Variants in EXT2 observed in about 807,000 individuals in gnomAD.
The protein encoded by EXT2 is exostosin-2.
Under a neutral mutation model 81.6 loss-of-function variants are expected in EXT2, and 53 were observed. That is an observed-to-expected ratio of 0.65 (90% CI 0.52 to 0.82). The LOEUF (loss-of-function observed/expected upper bound fraction) is 0.82. Among genes scored for constraint, EXT2 ranks in the 40% least tolerant of loss-of-function variants. The pLI is 0.00. For missense variants in EXT2, 774 were observed against 910.2 expected, an observed-to-expected ratio of 0.85 and a Z score of 1.93; for synonymous variants, 320 against 340.0, an observed-to-expected ratio of 0.94 and a Z score of 0.65.
At chr11:44,109,170 C>T in intron 2 of EXT2, 24 bp from the exon 3 acceptor site, 1 of 1,611,706 alleles carries the variant, frequency 6.2e-7, no homozygotes. Context: ...CATTAATTCT[C>T]CTACATTTTA....
chr11:44,219,964 G>A (rs894688500), intron 10 of EXT2, among the ~76,000 whole-genome samples: 2 of 152,170 alleles, frequency 1.3e-5, no homozygotes, highest in African/African-American at 4.8e-5. Context: ...TCAGATCGTT[G>A]AGCCTAAGTC....
Position 44,246,727 on chromosome 11 carries a change from TC to T in EXT2, c.*2441del, listed in dbSNP as rs747551007. Among the ~76,000 whole-genome samples the T allele has an allele frequency of 2.0e-5, 3 of 152,198 alleles. No individual in the cohort carries two copies. Among genetic ancestry groups the T allele is most frequent in the Non-Finnish European group, 4.4e-5 (3 of 68,024 alleles). ...TAGCAGGTGATGGCGATTCATGGAT[TC>T]AGAGTGGGCTAGGGACTCCACTTTA... On this transcript the variant is annotated 3_prime_UTR_variant, in exon 14 of 14. Coordinates refer to ENST00000533608, the MANE Select transcript of EXT2 (RefSeq NM_207122.2).
intron 1 of EXT2, among the ~76,000 whole-genome samples, chr11:44,099,844 C>T (rs1953956829): frequency 6.6e-6 from 1 of 152,074 alleles, no homozygotes; most frequent in African/African-American, 2.4e-5. Context: ...GGGCTTTTCC[C>T]CTTTCTTTTC....
At chr11:44,209,333 T>C (rs972679270) in intron 10 of EXT2, among the ~76,000 whole-genome samples, 9 of 152,184 alleles carry the variant, frequency 5.9e-5, no homozygotes, top group Non-Finnish European at 1.0e-4. Flanking sequence ...GACAGTAGAT[T>C]TTACACTTTA....
In EXT2 at chr11:44,210,127, C is replaced by T. The variant is rs535142631; in HGVS notation, c.1662+3168C>T. Reference sequence around the variant, plus strand: ...AAACATACATCTACCATATGACCAGCCATTCTTCCCATGGGGATTTACCCT... The same window carrying T: ...AAACATACATCTACCATATGACCAGTCATTCTTCCCATGGGGATTTACCCT... On this transcript the variant is annotated intron_variant, in intron 10 of 13. Coordinates refer to ENST00000533608, the MANE Select transcript of EXT2 (RefSeq NM_207122.2). Among the ~76,000 whole-genome samples, 19 of 152,296 alleles carry T rather than the reference C, an allele frequency of 1.2e-4. No homozygotes were observed. In the South Asian group the frequency reaches 3.9e-3, roughly 32 times the overall value.
At chr11:44,215,995 A>G (rs993683907) in intron 10 of EXT2, among the ~76,000 whole-genome samples, 1 of 151,282 alleles carries the variant, frequency 6.6e-6, no homozygotes, top group African/African-American at 2.4e-5. Context: ...TCCTGCCTCA[A>G]CCTCCCGAGT....
At chr11:44,106,894 G>A (rs763957435) in intron 1 of EXT2, among the ~76,000 whole-genome samples, 1 of 152,234 alleles carries the variant, frequency 6.6e-6, no homozygotes, top group Non-Finnish European at 1.5e-5. Flanking sequence ...CTCCCAAGGT[G>A]CTGGGATTAT....
At chr11:44,216,933 A>C (rs1352832298) in intron 10 of EXT2, among the ~76,000 whole-genome samples, 2 of 150,334 alleles carry the variant, frequency 1.3e-5, no homozygotes, top group Non-Finnish European at 3.0e-5. Flanking sequence ...ATCCTTTGTC[A>C]AATCATTGCA....
chr11:44,161,058 ATAAAAT>A (rs1315019340), intron 7 of EXT2, among the ~76,000 whole-genome samples: 1 of 152,232 alleles, frequency 6.6e-6, no homozygotes, highest in African/African-American at 2.4e-5. Flanking sequence ...ATACATCAAA[ATAAAAT>A]TAAAGTGTGG....
chr11:44,175,400 T>C (rs1163492962), intron 8 of EXT2, among the ~76,000 whole-genome samples: 4 of 151,948 alleles, frequency 2.6e-5, no homozygotes, highest in Non-Finnish European at 5.9e-5. Flanking sequence ...TCTTTTTTTT[T>C]TTTCCTGTTC....
At chr11:44,146,966 A>C (rs1014039436) in intron 7 of EXT2, among the ~76,000 whole-genome samples, 1 of 152,240 alleles carries the variant, frequency 6.6e-6, no homozygotes, top group Non-Finnish European at 1.5e-5. Flanking sequence ...ACATCACTCA[A>C]GATGGTTGAT....
intron 8 of EXT2, among the ~76,000 whole-genome samples, chr11:44,193,224 C>T (rs1428938351): frequency 6.6e-6 from 1 of 152,178 alleles, no homozygotes; most frequent in East Asian, 1.9e-4. Context: ...ATAAGGACTT[C>T]ATTTGGGATT....
intron 8 of EXT2, among the ~76,000 whole-genome samples, chr11:44,184,533 C>T (rs1254517724): frequency 6.6e-6 from 1 of 152,014 alleles, no homozygotes; most frequent in Non-Finnish European, 1.5e-5. Context: ...GGGTGGATCA[C>T]GAGGTCAGGA....
intron 1 of EXT2, 104 bp downstream of exon 1, chr11:44,095,956 C>A: frequency 2.4e-6 from 1 of 424,454 alleles, no homozygotes; most frequent in Non-Finnish European, 4.4e-6. Flanking sequence ...GGAGCGCGGC[C>A]GCGCGGAGGC....
chr11:44,175,919 A>C (rs1280528601), intron 8 of EXT2, among the ~76,000 whole-genome samples: 2 of 152,186 alleles, frequency 1.3e-5, no homozygotes, highest in East Asian at 3.9e-4. Flanking sequence ...GGTTGTAATG[A>C]GACTAACCCA....
chr11:44,163,452 A>G (rs1458995363), intron 7 of EXT2, among the ~76,000 whole-genome samples: 2 of 152,252 alleles, frequency 1.3e-5, no homozygotes, highest in African/African-American at 4.8e-5. Flanking sequence ...CAAAAGGACC[A>G]GTGAGCACCA....
At chr11:44,140,291 G>A (rs1008734157) in intron 7 of EXT2, among the ~76,000 whole-genome samples, 5 of 152,116 alleles carry the variant, frequency 3.3e-5, no homozygotes, top group Non-Finnish European at 7.4e-5. Context: ...CACTGTTATC[G>A]AATTTAAAGG....
intron 4 of EXT2, among the ~76,000 whole-genome samples, chr11:44,119,842 C>T (rs1954291220): frequency 6.6e-6 from 1 of 152,184 alleles, no homozygotes; most frequent in African/African-American, 2.4e-5. Flanking sequence ...GGTTGAGAAA[C>T]CCTGGGTGAG....
intron 8 of EXT2, among the ~76,000 whole-genome samples, chr11:44,197,436 A>G (rs1430381079): frequency 6.6e-6 from 1 of 151,992 alleles, no homozygotes; most frequent in African/African-American, 2.4e-5. Flanking sequence ...AGCCCTTTCC[A>G]GCTTTCAAAA....
Sources: gnomAD v4.1 joint callset for allele counts (sites outside exome capture counted in the v4.1 genomes callset) on GRCh38, gnomAD v4.1.1 for gene constraint, MANE v1.5 for transcripts, NCBI Gene and HGNC (gene_info 2026-07-23, HGNC 2026-07-21) for gene names.